The following PDGFRL variants were observed in gnomAD, a reference collection of about 807,000 sequenced individuals.
PDGFRL encodes platelet-derived growth factor receptor-like protein.
A neutral mutation model predicts 37.2 loss-of-function variants in PDGFRL; 46 were observed. That is an observed-to-expected ratio of 1.24 (90% confidence interval 0.98 to 1.58). The LOEUF is 1.58. Ranked by LOEUF, PDGFRL falls within the 40% of genes most tolerant of loss-of-function variation. The probability of loss-of-function intolerance (pLI) is 0.00; values close to 1 mark genes in which losing one functional copy is unlikely to be tolerated. For synonymous variants in PDGFRL, 251 were observed against 184.3 expected, an observed-to-expected ratio of 1.36 and a Z score of -2.93; for missense variants, 692 against 467.6, an observed-to-expected ratio of 1.48 and a Z score of -4.43.
Position 17,628,701 on chromosome 8 carries a change from C to G in PDGFRL, c.720C>G (p.His240Gln). Residue 240 changes from histidine (H) to glutamine (Q), a missense_variant, in exon 4 of 6, where the codon CAC becomes CAG. Physicochemically the swap from His to Gln is conservative, Grantham distance 24. Transcript: ENST00000251630. ...GFVYLQPHSE[H>Q]QGVVYCRAEA... Reference sequence around the variant, plus strand: ...TGTATCTGCAACCTCATTCCGAGCACCAGGGTGTGGTTTACTGCAGGGCGG... The same window carrying G: ...TGTATCTGCAACCTCATTCCGAGCAGCAGGGTGTGGTTTACTGCAGGGCGG... The G allele has an allele frequency of 6.2e-7, 1 of 1,613,980 alleles. No individual in the cohort carries two copies. The highest frequency in any genetic ancestry group is 1.1e-5 in the South Asian group (1 of 91,078).
chr8:17,636,068 G>C lies in PDGFRL; in HGVS notation c.939+1855G>C, dbSNP rs370724665. Among the ~76,000 whole-genome samples, 8 of 152,340 alleles carry C rather than the reference G, an allele frequency of 5.3e-5. No individual in the cohort carries two copies. The East Asian group carries it at 9.6e-4, about 18-fold the overall frequency. On this transcript the variant is annotated intron_variant, in intron 5 of 5. Coordinates refer to ENST00000251630, the MANE Select transcript of PDGFRL (RefSeq NM_001372073.1). Reference sequence around the variant, plus strand: ...AAAATTTTCTCCCACTCTGTGGGTTGTGTGTTTATTCTACTGATTATTTCT... The same window carrying C: ...AAAATTTTCTCCCACTCTGTGGGTTCTGTGTTTATTCTACTGATTATTTCT...
intron 3 of PDGFRL, among the ~76,000 whole-genome samples, chr8:17,625,814 C>A (rs1804722447): frequency 6.6e-6 from 1 of 152,028 alleles, no homozygotes; most frequent in African/African-American, 2.4e-5. Context: ...CATAGTGAGA[C>A]CCTGACTCTA....
At chr8:17,591,884 C>G (rs910863879) in intron 2 of PDGFRL, among the ~76,000 whole-genome samples, 1 of 152,098 alleles carries the variant, frequency 6.6e-6, no homozygotes, top group African/African-American at 2.4e-5. Flanking sequence ...CCACTGTGCT[C>G]CAGCCTAGCA....
intron 2 of PDGFRL, among the ~76,000 whole-genome samples, chr8:17,594,380 A>G (rs1224242699): frequency 6.6e-6 from 1 of 150,892 alleles, no homozygotes; most frequent in Non-Finnish European, 1.5e-5. Context: ...AGCTGGAATT[A>G]CAGGCACACA....
At chr8:17,642,560 C>T (rs943124483) in intron 5 of PDGFRL, 53 bp from the exon 6 acceptor site, 14 of 1,124,636 alleles carry the variant, frequency 1.2e-5, no homozygotes, top group Non-Finnish European at 1.6e-5. Context: ...AGTGGGAGCT[C>T]TTTATAGCAG....
At chr8:17,609,050 C>T (rs1469481767) in intron 2 of PDGFRL, among the ~76,000 whole-genome samples, 1 of 152,156 alleles carries the variant, frequency 6.6e-6, no homozygotes, top group East Asian at 1.9e-4. Context: ...GAGACCCCAT[C>T]TCTTAAAAAC....
intron 2 of PDGFRL, among the ~76,000 whole-genome samples, chr8:17,599,431 G>A (rs1233313359): frequency 6.6e-6 from 1 of 152,146 alleles, no homozygotes. Context: ...TAGAATAATA[G>A]TCTCCAATTC....
intron 2 of PDGFRL, among the ~76,000 whole-genome samples, chr8:17,615,102 A>C (rs1001969705): frequency 4.6e-5 from 7 of 152,192 alleles, no homozygotes; most frequent in African/African-American, 1.7e-4. Flanking sequence ...TTGCCATCTC[A>C]CGGGATTGAG....
At chr8:17,598,756 G>C (rs1218359692) in intron 2 of PDGFRL, among the ~76,000 whole-genome samples, 1 of 152,132 alleles carries the variant, frequency 6.6e-6, no homozygotes, top group Non-Finnish European at 1.5e-5. Context: ...TGTGGGAGGG[G>C]CCCAGTGGGA....
In PDGFRL at chr8:17,627,985, C is replaced by CTTTTT. The variant is rs1236164534; in HGVS notation, c.506-499_506-498insTTTTT. Among the ~76,000 whole-genome samples, 431 of 123,906 alleles carry CTTTTT rather than the reference C, an allele frequency of 3.5e-3. 5 individuals carry two copies. Among genetic ancestry groups the CTTTTT allele is most frequent in the African/African-American group, 5.5e-3 (161 of 29,436 alleles). 81.3% of individuals were successfully genotyped at this position (123,906 alleles called of 152,430 possible). On this transcript the variant is annotated intron_variant, in intron 3 of 5. Coordinates refer to ENST00000251630, the MANE Select transcript of PDGFRL (RefSeq NM_001372073.1). ...TACTGATACCTTTTCTGTTTTCTTT[C>CTTTTT]TTTCTTTTTTTTTTTTTTTTTTTTT...
At chr8:17,620,725 G>A (rs1010848261) in intron 2 of PDGFRL, among the ~76,000 whole-genome samples, 1 of 151,966 alleles carries the variant, frequency 6.6e-6, no homozygotes, top group Admixed American at 6.5e-5. Context: ...TTTTTGAATT[G>A]TTGCAAAAAA....
chr8:17,596,712 A>G (rs986669637), intron 2 of PDGFRL, among the ~76,000 whole-genome samples: 8 of 152,216 alleles, frequency 5.3e-5, no homozygotes, highest in African/African-American at 1.9e-4. Context: ...AGAGCCTTAG[A>G]AGAAAGTAAT....
chr8:17,634,973 GTTT>G (rs553160161), intron 5 of PDGFRL, among the ~76,000 whole-genome samples: 8 of 117,274 alleles, frequency 6.8e-5, no homozygotes, highest in African/African-American at 1.3e-4. Flanking sequence ...AAAATAAAAG[GTTT>G]TTTTTTAAAA....
chr8:17,633,938 C>A lies in PDGFRL; in HGVS notation c.800-136C>A, dbSNP rs1310459122. ...GGAAGCCCCAAGTTGTGGGCTCACA[C>A]TGTCCTCGCACTGGTCAGGGAGCTG... On this transcript the variant is annotated intron_variant, in intron 4 of 5. Transcript: ENST00000251630. 4 of 876,530 alleles carry A rather than the reference C, an allele frequency of 4.6e-6. No individual in the cohort carries two copies. In the African/African-American group the frequency reaches 6.6e-5, roughly 14 times the overall value. 54.3% of individuals were successfully genotyped at this position (876,530 alleles called of 1,614,324 possible).
Position 17,611,039 on chromosome 8 carries a change from C to T in PDGFRL, c.354-10012C>T, listed in dbSNP as rs531620148. On this transcript the variant is annotated intron_variant, in intron 2 of 5. Transcript: ENST00000251630. ...CATTCATTTGGTTAGGACTTACTTA[C>T]GTATTTAAAACAGTCAACTCATGTT... Among the ~76,000 whole-genome samples, 7 of 152,324 alleles carry T rather than the reference C, an allele frequency of 4.6e-5. No homozygotes were observed. The South Asian group carries it at 1.2e-3, about 27-fold the overall frequency.
chr8:17,589,062 G>T lies in PDGFRL; in HGVS notation c.56-406G>T, dbSNP rs189283217. On this transcript the variant is annotated intron_variant, in intron 1 of 5. Transcript: ENST00000251630. ...CATATGAGGAGGGGAGGATTAAAAA[G>T]TTATCTTCTCTAGAGTTACCTAAAA... 2.6e-4 allele frequency among the ~76,000 whole-genome samples: 40 copies of T among 152,142 alleles called. No homozygotes were observed. The East Asian group carries it at 6.2e-3, about 23-fold the overall frequency.
At chr8:17,614,192 A>G (rs1257324056) in intron 2 of PDGFRL, among the ~76,000 whole-genome samples, 1 of 152,234 alleles carries the variant, frequency 6.6e-6, no homozygotes, top group East Asian at 1.9e-4. Flanking sequence ...ATTCCAGCCT[A>G]ATTTCTGATA....
intron 4 of PDGFRL, among the ~76,000 whole-genome samples, chr8:17,632,224 C>T (rs1415184478): frequency 1.3e-5 from 2 of 152,150 alleles, no homozygotes; most frequent in African/African-American, 4.8e-5. Flanking sequence ...TTCTCTCCAT[C>T]CTCACTGCAA....
intron 4 of PDGFRL, among the ~76,000 whole-genome samples, chr8:17,631,572 C>A (rs1418778091): frequency 6.6e-6 from 1 of 152,056 alleles, no homozygotes; most frequent in African/African-American, 2.4e-5. Flanking sequence ...GAACCAAGTC[C>A]CTGAATGAAA....
Sources: allele counts gnomAD v4.1 joint callset (sites outside exome capture counted in the v4.1 genomes callset), GRCh38; gene constraint gnomAD v4.1.1; transcripts MANE v1.5; gene names NCBI Gene and HGNC (gene_info 2026-07-23, HGNC 2026-07-21).